The following KIAA1217 variants were observed in gnomAD, a reference collection of about 807,000 sequenced individuals.
KIAA1217 encodes KIAA1217.
KIAA1217 carries 88 observed loss-of-function variants against 163.9 expected under a neutral mutation model. The observed-to-expected ratio is 0.54, with a 90% CI of 0.45 to 0.64. The LOEUF is 0.64. KIAA1217 is among the 30% of genes least tolerant of loss of function. The pLI is 0.00. For missense variants in KIAA1217, 2,372 were observed against 2,475.0 expected (o/e 0.96, Z 0.88); for synonymous variants, 903 against 923.1 (o/e 0.98, Z 0.39).
At chr10:24,502,774 C>T (rs1556403) in intron 9 of KIAA1217, among the ~76,000 whole-genome samples, 45,551 of 151,944 alleles carry the variant, frequency 0.3, 7,138 homozygotes, top group Middle Eastern at 0.4. Context: ...AGGTGGATGA[C>T]GAGGTCAGGA....
chr10:24,311,755 AG>A (rs2042728935), intron 2 of KIAA1217, among the ~76,000 whole-genome samples: 1 of 152,004 alleles, frequency 6.6e-6, no homozygotes, highest in Non-Finnish European at 1.5e-5. Flanking sequence ...GGGGGGACAA[AG>A]GCTTTCTTGG....
chr10:23,880,397 T>G (rs1331162708), intron 1 of KIAA1217, among the ~76,000 whole-genome samples: 3 of 151,836 alleles, frequency 2.0e-5, no homozygotes, highest in African/African-American at 7.3e-5. Flanking sequence ...AGCTAAAAAT[T>G]AAAACAATTG....
intron 5 of KIAA1217, among the ~76,000 whole-genome samples, chr10:24,443,015 A>C (rs542213021): frequency 1.3e-4 from 20 of 149,866 alleles, no homozygotes; most frequent in Non-Finnish European, 2.2e-4. Context: ...GGTTCAAGCG[A>C]TTCTCCCACC....
intron 1 of KIAA1217, among the ~76,000 whole-genome samples, chr10:23,708,348 T>C (rs958061511): frequency 6.6e-6 from 1 of 152,170 alleles, no homozygotes; most frequent in East Asian, 1.9e-4. Context: ...TTAAGTTTAT[T>C]GAACAGCAGC....
At chr10:23,994,371 T>G (rs192898925) in intron 1 of KIAA1217, among the ~76,000 whole-genome samples, 1 of 152,238 alleles carries the variant, frequency 6.6e-6, no homozygotes, top group Admixed American at 6.5e-5. Flanking sequence ...TTTGTGCTGA[T>G]TTTAGGTCTC....
intron 1 of KIAA1217, among the ~76,000 whole-genome samples, chr10:23,970,232 A>C (rs1020097284): frequency 6.6e-6 from 1 of 152,194 alleles, no homozygotes; most frequent in Non-Finnish European, 1.5e-5. Flanking sequence ...TTTACTCCCA[A>C]GTATTCTTCT....
At chr10:24,058,112 TG>T (rs1055286083) in intron 2 of KIAA1217, among the ~76,000 whole-genome samples, 1 of 152,210 alleles carries the variant, frequency 6.6e-6, no homozygotes, top group African/African-American at 2.4e-5. Context: ...ATTTTGCATG[TG>T]GCTATCTAAT....
chr10:24,078,983 T>C (rs921626055), intron 2 of KIAA1217, among the ~76,000 whole-genome samples: 2 of 152,180 alleles, frequency 1.3e-5, no homozygotes, highest in African/African-American at 4.8e-5. Flanking sequence ...CCGTTTAAGG[T>C]TTCTCATGGG....
intron 2 of KIAA1217, among the ~76,000 whole-genome samples, chr10:24,380,516 C>G (rs2134794207): frequency 6.6e-6 from 1 of 152,120 alleles, no homozygotes; most frequent in African/African-American, 2.4e-5. Flanking sequence ...TTGGGGCACA[C>G]CTGTAGTCCC....
intron 1 of KIAA1217, among the ~76,000 whole-genome samples, chr10:23,887,223 CAG>C (rs1444264464): frequency 6.6e-6 from 1 of 151,746 alleles, no homozygotes; most frequent in Non-Finnish European, 1.5e-5. Context: ...TAATGTGTGC[CAG>C]AGTCTTTTTT....
intron 1 of KIAA1217, among the ~76,000 whole-genome samples, chr10:23,885,014 C>T (rs1357304748): frequency 6.6e-6 from 1 of 151,966 alleles, no homozygotes; most frequent in Admixed American, 6.6e-5. Flanking sequence ...TCTTGCCACA[C>T]TCTTCTCTCC....
At chr10:24,351,134 G>T (rs1424777059) in intron 2 of KIAA1217, among the ~76,000 whole-genome samples, 2 of 152,134 alleles carry the variant, frequency 1.3e-5, no homozygotes, top group African/African-American at 4.8e-5. Flanking sequence ...TTTTAGTAGA[G>T]TTGGGGTTTC....
Position 24,234,873 on chromosome 10 carries a change from G to A in KIAA1217, c.354+14964G>A, listed in dbSNP as rs115280956. ...TAAATGTGGCTCATGCTATTTAAAT[G>A]CGAAACAATGGCTTGAGTTTAGGTC... is the stretch of plus-strand genomic sequence containing the variant. On this transcript the variant is annotated intron_variant, in intron 2 of 20. Coordinates refer to ENST00000376454, the MANE Select transcript of KIAA1217 (RefSeq NM_019590.5). Among the ~76,000 whole-genome samples the A allele has an allele frequency of 1.8e-3, 268 of 152,216 alleles. 2 individuals are homozygous for A. Among genetic ancestry groups the A allele is most frequent in the African/African-American group, 6.4e-3 (264 of 41,532 alleles).
At chr10:23,947,804 A>G (rs1195031410) in intron 1 of KIAA1217, among the ~76,000 whole-genome samples, 1 of 152,146 alleles carries the variant, frequency 6.6e-6, no homozygotes, top group Non-Finnish European at 1.5e-5. Flanking sequence ...TAAACAAGGT[A>G]AGTACATATA....
intron 2 of KIAA1217, among the ~76,000 whole-genome samples, chr10:24,021,702 T>C (rs970609673): frequency 6.6e-6 from 1 of 151,856 alleles, no homozygotes; most frequent in Non-Finnish European, 1.5e-5. Context: ...CTTACTATAC[T>C]TACTATAAAG....
intron 2 of KIAA1217, among the ~76,000 whole-genome samples, chr10:24,338,568 ACTT>A (rs960763255): frequency 7.9e-5 from 12 of 152,246 alleles, no homozygotes; most frequent in African/African-American, 2.7e-4. Flanking sequence ...ACAGCTGTCA[ACTT>A]CTTAAGAAGC....
chr10:23,747,408 TG>T (rs375564214), intron 1 of KIAA1217, among the ~76,000 whole-genome samples: 76 of 152,106 alleles, frequency 5.0e-4, no homozygotes, highest in Non-Finnish European at 9.3e-4. Flanking sequence ...AAGATGATAA[TG>T]GGGTGGGTTT....
intron 1 of KIAA1217, among the ~76,000 whole-genome samples, chr10:23,974,391 G>C (rs931862896): frequency 1.3e-5 from 2 of 152,110 alleles, no homozygotes; most frequent in African/African-American, 4.8e-5. Context: ...TATTTCAACG[G>C]TGTGATATTG....
intron 5 of KIAA1217, among the ~76,000 whole-genome samples, chr10:24,459,429 G>A (rs757098134): frequency 3.3e-5 from 5 of 152,118 alleles, no homozygotes; most frequent in Non-Finnish European, 2.9e-5. Flanking sequence ...TAATGTTCAC[G>A]TACATGCCTT....
Sources: allele counts gnomAD v4.1 joint callset (sites outside exome capture counted in the v4.1 genomes callset), GRCh38; gene constraint gnomAD v4.1.1; transcripts MANE v1.5; gene names NCBI Gene and HGNC (gene_info 2026-07-23, HGNC 2026-07-21).